The following DLGAP2 variants were observed in gnomAD, a reference collection of about 807,000 sequenced individuals.
DLGAP2 encodes disks large-associated protein 2.
Under a neutral mutation model 100.3 loss-of-function variants are expected in DLGAP2, and 26 were observed. That is an observed-to-expected ratio of 0.26 (90% CI 0.19 to 0.36). The LOEUF is 0.36. DLGAP2 is among the 10% of genes least tolerant of loss of function. DLGAP2 has a pLI of 1.00. For synonymous variants in DLGAP2, 886 were observed against 630.1 expected (o/e 1.41, Z -6.08); for missense variants, 1,858 against 1,453.2 (o/e 1.28, Z -4.53).
chr8:1,588,489 T>C (rs955667248), intron 6 of DLGAP2, among the ~76,000 whole-genome samples: 1 of 152,210 alleles, frequency 6.6e-6, no homozygotes, highest in Non-Finnish European at 1.5e-5. Context: ...CTTTGGCGTA[T>C]GATGCCTAAT....
intron 3 of DLGAP2, among the ~76,000 whole-genome samples, chr8:1,471,450 G>T (rs540603405): frequency 6.6e-6 from 1 of 151,390 alleles, no homozygotes; most frequent in Non-Finnish European, 1.5e-5. Context: ...TGCCTGTGAC[G>T]CAGGACATCC....
intron 3 of DLGAP2, among the ~76,000 whole-genome samples, chr8:1,430,943 G>A (rs1264569827): frequency 6.6e-6 from 1 of 152,160 alleles, no homozygotes; most frequent in African/African-American, 2.4e-5. Flanking sequence ...TGTCTCTGGG[G>A]TTCTGGGCAA....
At chr8:1,589,001 G>C (rs990160842) in intron 6 of DLGAP2, among the ~76,000 whole-genome samples, 1 of 152,114 alleles carries the variant, frequency 6.6e-6, no homozygotes, top group Non-Finnish European at 1.5e-5. Flanking sequence ...TTCACATTCA[G>C]GTATTTGAGC....
chr8:1,252,935 G>A (rs1035923307), intron 2 of DLGAP2, among the ~76,000 whole-genome samples: 3 of 152,204 alleles, frequency 2.0e-5, no homozygotes, highest in African/African-American at 7.2e-5. Flanking sequence ...AGAGGACGGG[G>A]GAGGCAACAA....
chr8:796,504 C>A (rs944537225), intron 1 of DLGAP2, among the ~76,000 whole-genome samples: 12 of 152,170 alleles, frequency 7.9e-5, no homozygotes, highest in Non-Finnish European at 1.8e-4. Flanking sequence ...AGGGTGTGGC[C>A]TGCTCTGTTC....
intron 2 of DLGAP2, among the ~76,000 whole-genome samples, chr8:1,024,398 G>A (rs969915344): frequency 1.0e-4 from 14 of 133,456 alleles, no homozygotes; most frequent in Non-Finnish European, 1.5e-4. Flanking sequence ...CCCTCCCTGG[G>A]GGTGGACAGT....
chr8:1,080,432 C>A (rs1803767567), intron 2 of DLGAP2, among the ~76,000 whole-genome samples: 1 of 152,238 alleles, frequency 6.6e-6, no homozygotes, highest in South Asian at 2.1e-4. Flanking sequence ...TCGCCATCAG[C>A]CTGTGCACTC....
chr8:1,359,358 G>T (rs770838962), intron 3 of DLGAP2, among the ~76,000 whole-genome samples: 2 of 152,254 alleles, frequency 1.3e-5, no homozygotes, highest in African/African-American at 4.8e-5. Flanking sequence ...CGCAGTTTAG[G>T]AGAAAGGAAA....
intron 1 of DLGAP2, among the ~76,000 whole-genome samples, chr8:749,740 G>A (rs1820744156): frequency 6.6e-6 from 1 of 152,194 alleles, no homozygotes; most frequent in African/African-American, 2.4e-5. Context: ...CCTAGGGGCT[G>A]CTATAACAAG....
At chr8:1,598,569 G>A (rs1418842719) in intron 6 of DLGAP2, among the ~76,000 whole-genome samples, 4 of 152,046 alleles carry the variant, frequency 2.6e-5, no homozygotes, top group African/African-American at 7.2e-5. Flanking sequence ...TCAGGGATTT[G>A]ACTTATTCCT....
intron 3 of DLGAP2, among the ~76,000 whole-genome samples, chr8:1,328,458 T>C (rs1005565631): frequency 2.0e-5 from 3 of 152,152 alleles, no homozygotes; most frequent in Non-Finnish European, 4.4e-5. Flanking sequence ...AGCGGGATTA[T>C]AGGCTCATGC....
intron 2 of DLGAP2, among the ~76,000 whole-genome samples, chr8:1,172,140 T>C (rs200783551): frequency 6.6e-6 from 1 of 151,368 alleles, no homozygotes; most frequent in African/African-American, 2.4e-5. Context: ...CCTTCACTTA[T>C]GAAGCTTAGT....
intron 2 of DLGAP2, among the ~76,000 whole-genome samples, chr8:1,086,394 G>C (rs1803975442): frequency 6.6e-6 from 1 of 152,020 alleles, no homozygotes; most frequent in Non-Finnish European, 1.5e-5. Flanking sequence ...TGTTTGTTGT[G>C]GGTTTGTCAT....
At chr8:1,529,982 A>G (rs562122605) in intron 4 of DLGAP2, among the ~76,000 whole-genome samples, 3 of 152,218 alleles carry the variant, frequency 2.0e-5, no homozygotes, top group Non-Finnish European at 2.9e-5. Flanking sequence ...ATAGAATACC[A>G]CAAGGCAAGT....
chr8:1,297,432 A>G (rs1800208501), intron 3 of DLGAP2, among the ~76,000 whole-genome samples: 1 of 149,194 alleles, frequency 6.7e-6, no homozygotes, highest in Non-Finnish European at 1.5e-5. Flanking sequence ...GCGAACAGAC[A>G]CCACGCGAGA....
chr8:1,073,001 C>T (rs1237750115), intron 2 of DLGAP2, among the ~76,000 whole-genome samples: 5 of 152,182 alleles, frequency 3.3e-5, no homozygotes, highest in African/African-American at 1.2e-4. Context: ...AATTATCACT[C>T]CCCATTTGTA....
intron 1 of DLGAP2, among the ~76,000 whole-genome samples, chr8:880,550 C>A (rs554765044): frequency 6.7e-6 from 1 of 149,546 alleles, no homozygotes; most frequent in Non-Finnish European, 1.5e-5. Context: ...CCCTTGCCTG[C>A]GACATGGCAT....
chr8:1,573,030 T>G (rs1480104492), intron 6 of DLGAP2, among the ~76,000 whole-genome samples: 1 of 33,476 alleles, frequency 3.0e-5, no homozygotes, highest in Non-Finnish European at 5.5e-5. Flanking sequence ...GGGTGGACTG[T>G]GGGGGTGTCT....
rs1799728671 is a variant in DLGAP2, at chr8:1,707,093, T to G, written c.*5687T>G. On this transcript the variant is annotated 3_prime_UTR_variant, in exon 15 of 15. Coordinates refer to ENST00000637795, the MANE Select transcript of DLGAP2 (RefSeq NM_001346810.2). ...ACTATCAAACTACTTTTTAACAGAT[T>G]TTGTATATACACACACAAGTTGACA... 6.6e-6 allele frequency: 1 copy of G among 152,650 alleles called. No individual in the cohort carries two copies. The highest frequency in any genetic ancestry group is 1.5e-5 in the Non-Finnish European group (1 of 68,038). 9.5% of individuals were successfully genotyped at this position (152,650 alleles called of 1,614,324 possible).
Sources: allele counts gnomAD v4.1 joint callset (sites outside exome capture counted in the v4.1 genomes callset), GRCh38; gene constraint gnomAD v4.1.1; transcripts MANE v1.5; gene names NCBI Gene and HGNC (gene_info 2026-07-23, HGNC 2026-07-21).